TSC22D1: variants seen among roughly 807,000 people sequenced by gnomAD.
TSC22D1 encodes the protein TSC22 domain family protein 1.
TSC22D1 carries 9 observed loss-of-function variants against 74.2 expected under a neutral mutation model. That is an observed-to-expected ratio of 0.12 (90% CI 0.07 to 0.21). The LOEUF is 0.21. Ranked by LOEUF, TSC22D1 falls within the 10% of genes least tolerant of loss-of-function variation. TSC22D1 has a pLI of 1.00. For synonymous variants in TSC22D1, 586 were observed against 492.5 expected, an observed-to-expected ratio of 1.19 and a Z score of -2.51; for missense variants, 1,427 against 1,304.7, an observed-to-expected ratio of 1.09 and a Z score of -1.44.
At chr13:44,443,475 C>T (rs1049584988) in intron 1 of TSC22D1, among the ~76,000 whole-genome samples, 11 of 152,194 alleles carry the variant, frequency 7.2e-5, no homozygotes, top group Admixed American at 2.0e-4. Context: ...ACTAGATCTA[C>T]GCAAGAGTGT....
chr13:44,560,063 C>T (rs1402088236), intron 1 of TSC22D1, among the ~76,000 whole-genome samples: 1 of 151,966 alleles, frequency 6.6e-6, no homozygotes, highest in Non-Finnish European at 1.5e-5. Context: ...GCTTGGTTGT[C>T]AATTTCTAAA....
At chr13:44,528,671 T>A (rs1268472304) in intron 1 of TSC22D1, among the ~76,000 whole-genome samples, 1 of 151,778 alleles carries the variant, frequency 6.6e-6, no homozygotes. Context: ...CAGAAATCAA[T>A]GAAACTGAAA....
intron 1 of TSC22D1, among the ~76,000 whole-genome samples, chr13:44,564,021 T>C (rs1883210283): frequency 1.3e-5 from 2 of 152,218 alleles, no homozygotes; most frequent in South Asian, 4.1e-4. Flanking sequence ...AAGCATTGGT[T>C]TTTTTGGCTC....
In TSC22D1 at chr13:44,516,590, G is replaced by A. The variant is rs141695809; in HGVS notation, c.2912+56573C>T. Reference sequence around the variant, plus strand: ...AGTAAAGAAATATTCTTTTTATGGGGGGAAAAAAAAGCAAACTAATATTAC... The same window carrying A: ...AGTAAAGAAATATTCTTTTTATGGGAGGAAAAAAAAGCAAACTAATATTAC... On this transcript the variant is annotated intron_variant, in intron 1 of 2. Transcript: ENST00000458659. 1.3e-4 allele frequency among the ~76,000 whole-genome samples: 20 copies of A among 151,866 alleles called. No individual in the cohort carries two copies. The East Asian group carries it at 3.7e-3, about 28-fold the overall frequency.
At chr13:44,551,703 G>A (rs529391092) in intron 1 of TSC22D1, among the ~76,000 whole-genome samples, 15 of 152,232 alleles carry the variant, frequency 9.9e-5, no homozygotes, top group African/African-American at 3.4e-4. Flanking sequence ...TTACAGGTGT[G>A]AGCCATCGTG....
intron 1 of TSC22D1, among the ~76,000 whole-genome samples, chr13:44,520,293 T>C (rs929319095): frequency 1.3e-5 from 2 of 152,112 alleles, no homozygotes; most frequent in East Asian, 1.9e-4. Flanking sequence ...TAAAGATTAA[T>C]AGCACCCAAA....
intron 1 of TSC22D1, among the ~76,000 whole-genome samples, chr13:44,479,291 C>A (rs1878067864): frequency 6.6e-6 from 1 of 150,648 alleles, no homozygotes; most frequent in African/African-American, 2.4e-5. Flanking sequence ...AACTCGTGAA[C>A]TTTCTTAAAA....
At chr13:44,545,552 C>T (rs1449885798) in intron 1 of TSC22D1, among the ~76,000 whole-genome samples, 1 of 148,792 alleles carries the variant, frequency 6.7e-6, no homozygotes, top group East Asian at 1.9e-4. Flanking sequence ...TTATAATGGC[C>T]AGCAGCACAT....
intron 1 of TSC22D1, among the ~76,000 whole-genome samples, chr13:44,532,361 C>A (rs1460835951): frequency 6.6e-6 from 1 of 152,186 alleles, no homozygotes; most frequent in Non-Finnish European, 1.5e-5. Context: ...TATGAGTATT[C>A]CAGGCCAAAG....
chr13:44,443,582 C>T (rs1875379110), intron 1 of TSC22D1, among the ~76,000 whole-genome samples: 1 of 152,154 alleles, frequency 6.6e-6, no homozygotes, highest in Non-Finnish European at 1.5e-5. Flanking sequence ...GGTGCAGTGC[C>T]ACATACCTGT....
At position 44,551,219 on chromosome 13, in the gene TSC22D1, C is replaced by T. The variant is rs1010614676; in HGVS notation, c.2912+21944G>A. ...CCTGGGGGCAGAAGTGGCAGTGATCCAAGATCTCACCACTACACTCCAGCC... is the reference window on the plus strand; with the variant it reads ...CCTGGGGGCAGAAGTGGCAGTGATCTAAGATCTCACCACTACACTCCAGCC... On this transcript the variant is annotated intron_variant, in intron 1 of 2. Transcript: ENST00000458659. 4.6e-5 allele frequency among the ~76,000 whole-genome samples: 7 copies of T among 150,588 alleles called. No individual in the cohort carries two copies. The South Asian group carries it at 8.4e-4, about 18-fold the overall frequency.
chr13:44,553,151 A>G (rs1451703430), intron 1 of TSC22D1, among the ~76,000 whole-genome samples: 1 of 152,190 alleles, frequency 6.6e-6, no homozygotes, highest in African/African-American at 2.4e-5. Context: ...GCAAACGAAC[A>G]TTTCTCAATC....
At chr13:44,539,327 A>C (rs1881327996) in intron 1 of TSC22D1, 1 of 985,366 alleles carries the variant, frequency 1.0e-6, no homozygotes, top group African/African-American at 1.7e-5. Context: ...TAGGAAGAAG[A>C]CCAAAAGGTT....
At chr13:44,463,313 T>TA (rs1381513835) in intron 1 of TSC22D1, among the ~76,000 whole-genome samples, 1 of 152,214 alleles carries the variant, frequency 6.6e-6, no homozygotes, top group African/African-American at 2.4e-5. Flanking sequence ...GGTAATGACC[T>TA]AACATCCATA....
At chr13:44,530,599 AAAACATTTACC>A (rs1301416723) in intron 1 of TSC22D1, among the ~76,000 whole-genome samples, 4 of 152,108 alleles carry the variant, frequency 2.6e-5, no homozygotes, top group Non-Finnish European at 1.5e-5. Flanking sequence ...AGATTGGGAT[AAAACATTTACC>A]AAACACCCGA....
chr13:44,472,536 T>C (rs538355707), intron 1 of TSC22D1, among the ~76,000 whole-genome samples: 2 of 152,208 alleles, frequency 1.3e-5, no homozygotes, highest in African/African-American at 4.8e-5. Flanking sequence ...AACGGAAACA[T>C]GAAAAAGCAT....
At chr13:44,452,972 G>A (rs1876269450) in intron 1 of TSC22D1, 1 of 152,136 alleles carries the variant, frequency 6.6e-6, no homozygotes, top group African/African-American at 2.4e-5. Flanking sequence ...CTAACAGGTT[G>A]GTTTTTCCTC....
intron 1 of TSC22D1, among the ~76,000 whole-genome samples, chr13:44,494,601 C>T (rs542251424): frequency 6.6e-6 from 1 of 151,600 alleles, no homozygotes; most frequent in Non-Finnish European, 1.5e-5. Context: ...ACAATTACAA[C>T]CCACACAAGC....
intron 1 of TSC22D1, among the ~76,000 whole-genome samples, chr13:44,546,968 C>T (rs1390084812): frequency 6.6e-6 from 1 of 152,008 alleles, no homozygotes; most frequent in Non-Finnish European, 1.5e-5. Flanking sequence ...CATCATGTTG[C>T]CCAGGCTGGT....
Sources: gnomAD v4.1 joint callset for allele counts (sites outside exome capture counted in the v4.1 genomes callset) on GRCh38, gnomAD v4.1.1 for gene constraint, MANE v1.5 for transcripts, NCBI Gene and HGNC (gene_info 2026-07-23, HGNC 2026-07-21) for gene names.